The following SAGE1 variants were observed in gnomAD, a reference collection of about 807,000 sequenced individuals.
The protein encoded by SAGE1 is sarcoma antigen 1, also known as cancer/testis antigen 14.
In SAGE1, 55 loss-of-function variants were observed where a neutral mutation model predicts 55.4. The ratio of observed to expected loss-of-function variants is 0.99; its 90% CI spans 0.80 to 1.24. The LOEUF is 1.24. Ranked by LOEUF, SAGE1 falls within the 50% of genes most tolerant of loss-of-function variation. SAGE1 has a pLI of 0.00. For synonymous variants in SAGE1, 240 were observed against 244.3 expected, an observed-to-expected ratio of 0.98 and a Z score of 0.17; for missense variants, 710 against 704.4, an observed-to-expected ratio of 1.01 and a Z score of -0.09.
At chrX:135,909,934 A>T in intron 14 of SAGE1, 96 bp from the exon 15 acceptor site, 2 of 1,028,580 alleles carry the variant, frequency 1.9e-6, no homozygotes, top group Non-Finnish European at 2.7e-6. Context: ...CGGCTTTATG[A>T]TATACTTTTC....
At chrX:135,898,484 T>C (rs1354280668) in intron 2 of SAGE1, among the ~76,000 whole-genome samples, 1 of 111,959 alleles carries the variant, frequency 8.9e-6, no homozygotes, top group Non-Finnish European at 1.9e-5. Flanking sequence ...AATAGAATGA[T>C]TTATATTTCT....
At chrX:135,912,553 T>G in intron 19 of SAGE1, 139 bp downstream of exon 19, 6 of 1,150,424 alleles carry the variant, frequency 5.2e-6, no homozygotes, top group Non-Finnish European at 5.7e-6. Context: ...GGCATTTAGG[T>G]TGATACTATC....
intron 19 of SAGE1, 45 bp from the exon 20 acceptor site, chrX:135,912,753 T>A (rs893881955): frequency 1.2e-5 from 14 of 1,193,701 alleles, no homozygotes; most frequent in Admixed American, 2.2e-5. Context: ...ATCTCATAGA[T>A]CCTGTAGGTA....
chrX:135,896,133 A>G, intron 1 of SAGE1, 110 bp from the exon 2 acceptor site: 1 of 526,465 alleles, frequency 1.9e-6, no homozygotes, highest in Non-Finnish European at 3.4e-6. Flanking sequence ...TACTCTCAAG[A>G]GGATCATATA....
At chrX:135,906,188 T>C in intron 6 of SAGE1, 24 bp downstream of exon 6, 2 of 1,184,736 alleles carry the variant, frequency 1.7e-6, no homozygotes, top group Non-Finnish European at 2.3e-6. Flanking sequence ...TAAATTGTGC[T>C]GTCTTACTTG....
chrX:135,893,884 A>G (rs1253906025), intron 1 of SAGE1, among the ~76,000 whole-genome samples, 103 bp downstream of exon 1: 1 of 111,659 alleles, frequency 9.0e-6, no homozygotes, highest in Non-Finnish European at 1.9e-5. Flanking sequence ...TTCCTCCGTT[A>G]TTTTTTGGAA....
chrX:135,895,879 T>A (rs1466535728), intron 1 of SAGE1, among the ~76,000 whole-genome samples: 1 of 111,589 alleles, frequency 9.0e-6, no homozygotes, highest in Non-Finnish European at 1.9e-5. Flanking sequence ...TTTAGAATTA[T>A]AGATTTTTAG....
rs2088849130 is a variant in SAGE1, at chrX:135,909,011, C to G, written c.1582+7C>G. 1 of 1,199,441 alleles carries G rather than the reference C, an allele frequency of 8.3e-7. No individual in the cohort carries two copies. The highest frequency in any genetic ancestry group is 3.0e-5 in the East Asian group (1 of 33,746). On this transcript the variant is annotated splice_region_variant and intron_variant, in intron 13 of 19. Transcript: ENST00000370709. ...ATGAGTACCAAGGATCTGTGTATGT[C>G]TGTTAATTAGTTGTACTGTCATACT...
intron 1 of SAGE1, among the ~76,000 whole-genome samples, chrX:135,894,989 T>TTTGTTTGA (rs1334041243): frequency 1.8e-5 from 2 of 109,472 alleles, no homozygotes; most frequent in Non-Finnish European, 3.8e-5. Flanking sequence ...ATCCCACAAG[T>TTTGTTTGA]TTGTTTGTTT....
Position 135,911,191 on chromosome X carries a change from G to A in SAGE1, c.2006-1G>A, listed in dbSNP as rs781920986. ...GCTCAGCCTCTTCATTTTGTTTCCA[G>A]ATGTCACCGCCACTCACAGTGTCCA... On this transcript the variant is annotated splice_acceptor_variant, in intron 16 of 19. Coordinates refer to ENST00000370709, the MANE Select transcript of SAGE1 (RefSeq NM_001381902.1). LOFTEE classifies it high-confidence loss of function. 2.5e-6 allele frequency: 3 copies of A among 1,210,346 alleles called. No individual in the cohort carries two copies. The Admixed American group carries it at 6.5e-5, about 26-fold the overall frequency.
chrX:135,906,545 G>T lies in SAGE1; in HGVS notation c.730G>T (p.Asp244Tyr), dbSNP rs782783697. 26 of 1,189,598 alleles carry T rather than the reference G, an allele frequency of 2.2e-5. No individual in the cohort carries two copies. Among genetic ancestry groups the T allele is most frequent in the Non-Finnish European group, 2.7e-5 (24 of 880,882 alleles). ...DTGISPMSTR[D>Y]PYATITYNVP... is the part of the protein sequence containing the mutation. ...TGGTATTTCACCCATGAGTACCAGGGATCCATGTAAGTTTGTTTATTTGTA... is the reference window on the plus strand; with the variant it reads ...TGGTATTTCACCCATGAGTACCAGGTATCCATGTAAGTTTGTTTATTTGTA... Residue 244 changes from aspartate to tyrosine, a missense_variant, in exon 7 of 20, where the codon GAT becomes TAT. Coordinates refer to ENST00000370709, the MANE Select transcript of SAGE1 (RefSeq NM_001381902.1).
In SAGE1 at chrX:135,910,495, C is replaced by T. The variant is rs370856365; in HGVS notation, c.1945C>T (p.Pro649Ser). The T allele has an allele frequency of 3.3e-6, 4 of 1,208,200 alleles. No homozygotes were observed. The highest frequency in any genetic ancestry group is 1.8e-5 in the African/African-American group (1 of 57,109). ...PAPGNILSTAPPWLRHMAAAG... is the reference protein window; with the variant it reads ...PAPGNILSTASPWLRHMAAAG... ...ACCTGGTAACATCTTGTCAACTGCT[C>T]CTCCATGGCTTCGTCATATGGCAGC... Residue 649 changes from proline to serine, a missense_variant, in exon 16 of 20, where the codon CCT (proline) becomes TCT (serine). Pro to Ser is a moderately conservative substitution (Grantham distance 74). Transcript: ENST00000370709.
At chrX:135,911,435 T>A in intron 17 of SAGE1, 103 bp downstream of exon 17, 2 of 931,900 alleles carry the variant, frequency 2.1e-6, no homozygotes, top group Non-Finnish European at 3.0e-6. Context: ...TACTCAAACT[T>A]AGTTTGAGGG....
chrX:135,901,929 G>A (rs1377376521), intron 3 of SAGE1, among the ~76,000 whole-genome samples: 1 of 111,821 alleles, frequency 8.9e-6, no homozygotes, highest in Non-Finnish European at 1.9e-5. Context: ...CTCACATTCC[G>A]CTCTAACCCA....
At chrX:135,907,112 C>A (rs1365873732) in intron 8 of SAGE1, 46 bp downstream of exon 8, 1 of 1,160,775 alleles carries the variant, frequency 8.6e-7, no homozygotes, top group Non-Finnish European at 1.2e-6. Flanking sequence ...TTTCCATATA[C>A]GTGCATATTG....
chrX:135,909,483 G>A (rs1439322890), intron 13 of SAGE1, among the ~76,000 whole-genome samples, 156 bp from the exon 14 acceptor site: 3 of 110,778 alleles, frequency 2.7e-5, no homozygotes, highest in Admixed American at 9.6e-5. Flanking sequence ...TTGCATTATC[G>A]TTTCTGGACT....
intron 2 of SAGE1, among the ~76,000 whole-genome samples, chrX:135,898,536 A>G (rs1480814323): frequency 9.0e-6 from 1 of 111,707 alleles, no homozygotes; most frequent in Non-Finnish European, 1.9e-5. Flanking sequence ...ATCAAATGAT[A>G]TTTCTGCCTC....
At chrX:135,907,502 G>A (rs1162618151) in intron 9 of SAGE1, 49 bp downstream of exon 9, 18 of 1,104,976 alleles carry the variant, frequency 1.6e-5, no homozygotes, top group Non-Finnish European at 2.0e-5. Context: ...ACATATGAAT[G>A]CACAGTGTCA....
At chrX:135,902,195 A>T (rs142602510) in intron 3 of SAGE1, among the ~76,000 whole-genome samples, 6,618 of 108,830 alleles carry the variant, frequency 0.061, 156 homozygotes, top group African/African-American at 0.073. Context: ...TTAATCCTAG[A>T]CTCTCTTCTC....
Sources: gnomAD v4.1 joint callset for allele counts (sites outside exome capture counted in the v4.1 genomes callset) on GRCh38, gnomAD v4.1.1 for gene constraint, MANE v1.5 for transcripts, NCBI Gene and HGNC (gene_info 2026-07-23, HGNC 2026-07-21) for gene names.